SCAI: variants seen among roughly 807,000 people sequenced by gnomAD.
SCAI encodes protein SCAI.
A neutral mutation model predicts 92.2 loss-of-function variants in SCAI; 24 were observed. The ratio of observed to expected loss-of-function variants is 0.26; its 90% CI spans 0.19 to 0.37. The LOEUF is 0.37. SCAI is among the 10% of genes least tolerant of loss of function. The pLI is 1.00. For synonymous variants in SCAI, 261 were observed against 258.6 expected, an observed-to-expected ratio of 1.01 and a Z score of -0.09; for missense variants, 450 against 736.2, an observed-to-expected ratio of 0.61 and a Z score of 4.50.
At position 124,947,360 on chromosome 9, in the gene SCAI, A is replaced by T. The variant is rs1831162166; in HGVS notation, c.*5447T>A. ...ATATCACTAATTTATCATCAGTTTA[A>T]ATAAAAATTTGCAGGTGATTTTAAA... On this transcript the variant is annotated 3_prime_UTR_variant, in exon 18 of 18. Transcript: ENST00000336505. 1 of 152,216 alleles carries T rather than the reference A, an allele frequency of 6.6e-6. No homozygotes were observed. Among genetic ancestry groups the T allele is most frequent in the Non-Finnish European group, 1.5e-5 (1 of 68,034 alleles). 9.4% of individuals were successfully genotyped at this position (152,216 alleles called of 1,614,324 possible).
Position 125,042,615 on chromosome 9 carries a change from A to ATGTGTGTGTGTGTGTGTGTGTGTGTG in SCAI, c.231-12877_231-12876insCACACACACACACACACACACACACA, listed in dbSNP as rs150983142. On this transcript the variant is annotated intron_variant, in intron 3 of 17. Coordinates refer to ENST00000336505, the MANE Select transcript of SCAI (RefSeq NM_001144877.3). ...CTAAATGCATGGCTTCCACCAGAGT[A>ATGTGTGTGTGTGTGTGTGTGTGTGTG]TGTGTGTGTGTGTGTGTGTACACAC... 6.8e-3 allele frequency among the ~76,000 whole-genome samples: 711 copies of ATGTGTGTGTGTGTGTGTGTGTGTGTG among 105,146 alleles called. 45 individuals are homozygous for ATGTGTGTGTGTGTGTGTGTGTGTGTG. Among genetic ancestry groups the ATGTGTGTGTGTGTGTGTGTGTGTGTG allele is most frequent in the Admixed American group, 0.054 (539 of 10,054 alleles). The allele number at this position is 105,146 out of a possible 152,430, so 69.0% of individuals were successfully genotyped here. A position where few individuals can be genotyped will look rare whatever the true frequency, so the allele number is the denominator to read the frequency against.
At chr9:125,073,249 C>T (rs1226710032) in intron 2 of SCAI, among the ~76,000 whole-genome samples, 22 of 149,908 alleles carry the variant, frequency 1.5e-4, no homozygotes, top group Non-Finnish European at 2.4e-4. Flanking sequence ...GGACTACAGG[C>T]GCCCGCTACC....
At chr9:124,960,522 C>G (rs1831416534) in intron 17 of SCAI, among the ~76,000 whole-genome samples, 1 of 152,204 alleles carries the variant, frequency 6.6e-6, no homozygotes, top group Non-Finnish European at 1.5e-5. Context: ...TCTGAAACAA[C>G]TGGAATGAAT....
At chr9:125,120,157 G>A (rs1015314221) in intron 2 of SCAI, among the ~76,000 whole-genome samples, 3 of 152,144 alleles carry the variant, frequency 2.0e-5, no homozygotes, top group Non-Finnish European at 2.9e-5. Context: ...TAAAATGAAC[G>A]ATACTGCTGT....
intron 3 of SCAI, among the ~76,000 whole-genome samples, chr9:125,030,661 CAAT>C (rs1833056924): frequency 6.6e-6 from 1 of 152,264 alleles, no homozygotes; most frequent in Middle Eastern, 3.4e-3. Context: ...AGGCTGGAAA[CAAT>C]GATGACCTAT....
At chr9:125,131,942 A>G (rs1357284742) in intron 2 of SCAI, among the ~76,000 whole-genome samples, 1 of 152,180 alleles carries the variant, frequency 6.6e-6, no homozygotes. Flanking sequence ...TCTGACGGCT[A>G]CCTACAGAAA....
At chr9:125,081,064 C>T (rs1208894637) in intron 2 of SCAI, among the ~76,000 whole-genome samples, 1 of 152,202 alleles carries the variant, frequency 6.6e-6, no homozygotes, top group Non-Finnish European at 1.5e-5. Flanking sequence ...GAGGCCTCCC[C>T]AGCCACATGG....
In SCAI at chr9:125,003,472, C is replaced by T; in HGVS notation, c.960G>A (p.Met320Ile). 6.2e-7 allele frequency: 1 copy of T among 1,601,298 alleles called. No homozygotes were observed. Among genetic ancestry groups the T allele is most frequent in the East Asian group, 2.2e-5 (1 of 44,832 alleles). ...CAAATGTAAAAGAGGAGATTACCTGCATTCCTGGTTTATTCATCTGGGAAG... is the reference window on the plus strand; with the variant it reads ...CAAATGTAAAAGAGGAGATTACCTGTATTCCTGGTTTATTCATCTGGGAAG... ...NLASQMNKPG[M>I]QESADKPTRR... The change falls in exon 10 of 18, where the codon ATG (methionine) becomes ATA (isoleucine). Residue 320 changes from methionine (M) to isoleucine (I), a missense_variant. Around this residue, in one of 3 missense-constraint regions of SCAI, gnomAD observed 360 missense variants for 601.8 expected, o/e 0.60. Transcript: ENST00000336505.
intron 17 of SCAI, chr9:124,968,193 G>GAAAAACA (rs995711930): frequency 5.7e-6 from 4 of 698,992 alleles, no homozygotes; most frequent in Admixed American, 2.8e-5. Flanking sequence ...AAGCAGGAAT[G>GAAAAACA]AAAAACAAAA....
intron 3 of SCAI, among the ~76,000 whole-genome samples, chr9:125,046,193 T>TGA (rs1254287377): frequency 1.5e-4 from 2 of 13,596 alleles, no homozygotes; most frequent in Non-Finnish European, 2.8e-4. Context: ...AAAGAAATTG[T>TGA]GAGATATATA....
intron 2 of SCAI, among the ~76,000 whole-genome samples, chr9:125,074,996 C>CA (rs1393981546): frequency 1.3e-5 from 2 of 150,990 alleles, no homozygotes; most frequent in East Asian, 1.9e-4. Context: ...AACTCCATCT[C>CA]AAAAAAAATA....
Position 124,950,744 on chromosome 9 carries a change from A to C in SCAI, c.*2063T>G, listed in dbSNP as rs372427332. On this transcript the variant is annotated 3_prime_UTR_variant, in exon 18 of 18. Coordinates refer to ENST00000336505, the MANE Select transcript of SCAI (RefSeq NM_001144877.3). ...GAAATACTGTTTGAAAGAACAAACA[A>C]AAAAATTTTTAAAAAGTAAACAGGC... 1 of 152,170 alleles carries C rather than the reference A, an allele frequency of 6.6e-6. No individual in the cohort carries two copies. The allele number at this position is 152,170 out of a possible 1,614,324, so 9.4% of individuals were successfully genotyped here.
intron 2 of SCAI, among the ~76,000 whole-genome samples, chr9:125,094,041 C>T (rs1198846478): frequency 6.6e-6 from 1 of 152,090 alleles, no homozygotes; most frequent in Non-Finnish European, 1.5e-5. Context: ...CAGTCTTCCC[C>T]TTCTCGGTTG....
At chr9:125,118,155 T>A (rs1037023031) in intron 2 of SCAI, among the ~76,000 whole-genome samples, 2 of 152,158 alleles carry the variant, frequency 1.3e-5, no homozygotes, top group Non-Finnish European at 2.9e-5. Flanking sequence ...ACTTAAAATC[T>A]ACACATTATA....
intron 9 of SCAI, among the ~76,000 whole-genome samples, chr9:125,016,070 A>G (rs1832751785): frequency 2.0e-5 from 3 of 149,286 alleles, no homozygotes; most frequent in Admixed American, 2.0e-4. Context: ...TAGGAGATAT[A>G]CCGAATGCTA....
At chr9:124,968,837 TG>T in intron 17 of SCAI, 2 of 645,970 alleles carry the variant, frequency 3.1e-6, no homozygotes, top group South Asian at 3.4e-5. Flanking sequence ...CCAATTCTGC[TG>T]GCCGCAGGGC....
chr9:125,131,356 C>T (rs1042593547), intron 2 of SCAI, among the ~76,000 whole-genome samples: 6 of 148,228 alleles, frequency 4.0e-5, no homozygotes, highest in Non-Finnish European at 5.9e-5. Context: ...TGCAGTGAGC[C>T]GAGATTGTGC....
chr9:125,082,892 GC>G, intron 2 of SCAI, among the ~76,000 whole-genome samples: 1 of 152,316 alleles, frequency 6.6e-6, no homozygotes, highest in African/African-American at 2.4e-5. Context: ...GAAGGGACTT[GC>G]CTTGTCTTGA....
intron 2 of SCAI, among the ~76,000 whole-genome samples, chr9:125,114,460 A>T (rs1008913213): frequency 2.0e-5 from 3 of 152,210 alleles, no homozygotes; most frequent in African/African-American, 7.2e-5. Flanking sequence ...AAGTGCTGGC[A>T]AGGAAAGAAA....
Sources: allele counts gnomAD v4.1 joint callset (sites outside exome capture counted in the v4.1 genomes callset), GRCh38; gene constraint gnomAD v4.1.1; regional missense constraint gnomAD v4.1.1; transcripts MANE v1.5; gene names NCBI Gene and HGNC (gene_info 2026-07-23, HGNC 2026-07-21).